PDZD2: variants seen among roughly 807,000 people sequenced by gnomAD.
PDZD2 encodes the protein PDZ domain containing 2, also known as PDZ domain-containing protein 2.
A neutral mutation model predicts 220.7 loss-of-function variants in PDZD2; 90 were observed. That is an observed-to-expected ratio of 0.41 (90% CI 0.34 to 0.49). The LOEUF is 0.49. PDZD2 is among the 20% of genes least tolerant of loss of function. PDZD2 has a pLI of 0.28. For synonymous variants in PDZD2, 1,375 were observed against 1,450.5 expected (o/e 0.95, Z 1.18); for missense variants, 3,174 against 3,608.5 (o/e 0.88, Z 3.08).
rs771518395 is a variant in PDZD2 at position 32,010,475 on chromosome 5, A to G, written c.1400A>G (p.Gln467Arg). 3.7e-6 allele frequency: 6 copies of G among 1,610,408 alleles called. No homozygotes were observed. The highest frequency in any genetic ancestry group is 2.2e-5 in the South Asian group (2 of 90,898). Reference protein sequence around the residue: ...EEDEGTSSSVQRAMPGTDEPQ... With the variant: ...EEDEGTSSSVRRAMPGTDEPQ... ...GACGAAGGAACCAGCTCTTCTGTCC[A>G]GAGAGCAGTAAGTGGCTCTGTGCTC... The change falls in exon 6 of 25, where the codon CAG (glutamine) becomes CGG (arginine). Residue 467 changes from glutamine (Q) to arginine (R), a missense_variant. Coordinates refer to ENST00000438447, the MANE Select transcript of PDZD2 (RefSeq NM_178140.4).
At chr5:32,019,374 G>C (rs560115521) in intron 6 of PDZD2, among the ~76,000 whole-genome samples, 1 of 152,210 alleles carries the variant, frequency 6.6e-6, no homozygotes. Flanking sequence ...AAACTCCTGG[G>C]CTCAAGCAAT....
chr5:31,641,714 C>T (rs1020976272), intron 1 of PDZD2, among the ~76,000 whole-genome samples: 2 of 152,024 alleles, frequency 1.3e-5, no homozygotes, highest in African/African-American at 4.8e-5. Flanking sequence ...GTCTCGAACT[C>T]CTGGGCTCAA....
rs866218067 is a variant in PDZD2 at position 31,669,420 on chromosome 5, A to T, written c.-361+29983A>T. On this transcript the variant is annotated intron_variant, in intron 1 of 24. Transcript: ENST00000438447. ...CTGTCTCAAAAAAAAAAAAAAAAAAAAAATAAGATCTATCCAGCCCCTAAT... is the reference window on the plus strand; with the variant it reads ...CTGTCTCAAAAAAAAAAAAAAAAAATAAATAAGATCTATCCAGCCCCTAAT... Among the ~76,000 whole-genome samples, 55 of 151,516 alleles carry T rather than the reference A, an allele frequency of 3.6e-4. 1 individual carries two copies. Among genetic ancestry groups the T allele is most frequent in the African/African-American group, 9.4e-4 (39 of 41,352 alleles).
chr5:31,744,482 G>A (rs1750463174), intron 1 of PDZD2: 1 of 151,802 alleles, frequency 6.6e-6, no homozygotes, highest in Admixed American at 6.6e-5. Context: ...AAGAAAACGA[G>A]TTGTTTAAAG....
chr5:31,860,353 ACTGG>A (rs1737574333), intron 2 of PDZD2, among the ~76,000 whole-genome samples: 1 of 152,150 alleles, frequency 6.6e-6, no homozygotes, highest in South Asian at 2.1e-4. Flanking sequence ...TAAATCCCAA[ACTGG>A]CTTTCCACAC....
At chr5:32,017,707 G>C (rs1248004565) in intron 6 of PDZD2, among the ~76,000 whole-genome samples, 2 of 152,200 alleles carry the variant, frequency 1.3e-5, no homozygotes, top group Non-Finnish European at 2.9e-5. Flanking sequence ...GTTAAGGTTA[G>C]AAACCTGCAA....
At chr5:31,937,224 C>A (rs1041430130) in intron 2 of PDZD2, among the ~76,000 whole-genome samples, 2 of 152,168 alleles carry the variant, frequency 1.3e-5, no homozygotes, top group Non-Finnish European at 2.9e-5. Flanking sequence ...CTCCTGGGCA[C>A]TGGGATGATC....
intron 21 of PDZD2, among the ~76,000 whole-genome samples, chr5:32,096,797 G>A (rs1185969026): frequency 6.7e-6 from 1 of 149,250 alleles, no homozygotes; most frequent in Non-Finnish European, 1.5e-5. Context: ...ACAGAATAAA[G>A]GATTCCCATC....
At chr5:31,703,957 TTCTCTCTCTC>T (rs10652328) in intron 1 of PDZD2, among the ~76,000 whole-genome samples, 33,754 of 149,362 alleles carry the variant, frequency 0.23, 4,130 homozygotes, top group East Asian at 0.35. Context: ...TTCTCTCTCT[TTCTCTCTCTC>T]TCTCTCTCTT....
At chr5:31,714,916 AGGAGTGGTG>A (rs1418987932) in intron 1 of PDZD2, among the ~76,000 whole-genome samples, 1 of 151,932 alleles carries the variant, frequency 6.6e-6, no homozygotes, top group Non-Finnish European at 1.5e-5. Flanking sequence ...AAAATTAGCC[AGGAGTGGTG>A]GTGGGCGCCT....
intron 1 of PDZD2, among the ~76,000 whole-genome samples, chr5:31,700,343 G>A (rs1046032010): frequency 2.6e-5 from 4 of 152,116 alleles, no homozygotes; most frequent in Admixed American, 2.0e-4. Context: ...TGAGGAAAGG[G>A]CTGGCCAGCA....
chr5:31,960,059 A>G (rs1748070440), intron 2 of PDZD2, among the ~76,000 whole-genome samples: 1 of 151,994 alleles, frequency 6.6e-6, no homozygotes, highest in African/African-American at 2.4e-5. Context: ...CTTGATCCTT[A>G]ACTAATTATA....
chr5:32,079,268 A>AT (rs1741665898), intron 19 of PDZD2, among the ~76,000 whole-genome samples: 1 of 142,458 alleles, frequency 7.0e-6, no homozygotes, highest in Non-Finnish European at 1.5e-5. Context: ...CAAAAAAAAA[A>AT]CAAAAAAAAA....
intron 2 of PDZD2, among the ~76,000 whole-genome samples, chr5:31,834,205 G>C (rs1756802548): frequency 1.3e-5 from 2 of 152,126 alleles, no homozygotes; most frequent in Admixed American, 1.3e-4. Flanking sequence ...TTCTTTAAGG[G>C]ACCCCACAGC....
chr5:32,052,925 C>G (rs1738717329), intron 9 of PDZD2, among the ~76,000 whole-genome samples, 195 bp downstream of exon 9: 1 of 152,206 alleles, frequency 6.6e-6, no homozygotes, highest in African/African-American at 2.4e-5. Context: ...GTGCTCCCAC[C>G]TCGACTTCCC....
At chr5:31,680,184 G>A (rs911716020) in intron 1 of PDZD2, among the ~76,000 whole-genome samples, 5 of 152,082 alleles carry the variant, frequency 3.3e-5, no homozygotes, top group African/African-American at 9.7e-5. Flanking sequence ...CTGAATGGAC[G>A]GTGGGCTCGG....
chr5:31,976,564 C>A (rs1345925373), intron 2 of PDZD2, among the ~76,000 whole-genome samples: 1 of 152,140 alleles, frequency 6.6e-6, no homozygotes, highest in Admixed American at 6.5e-5. Flanking sequence ...AGGGACCTGA[C>A]ATACTCAGAT....
intron 1 of PDZD2, among the ~76,000 whole-genome samples, chr5:31,704,886 T>C (rs72755416): frequency 0.14 from 20,833 of 152,158 alleles, 1,560 homozygotes; most frequent in East Asian, 0.21. Flanking sequence ...ATTGGCTGGG[T>C]GCGGTGGCTC....
In PDZD2 at chr5:32,051,099, C is replaced by CT. The variant is rs1215466498; in HGVS notation, c.1666-1511dup. On this transcript the variant is annotated intron_variant, in intron 8 of 24. Transcript: ENST00000438447. ...AAACTCTCTGAGAGGTTGGTGAAGCCTACAGGCCTTTGGTTCCTTCTGGTT... is the reference window on the plus strand; with the variant it reads ...AAACTCTCTGAGAGGTTGGTGAAGCCTTACAGGCCTTTGGTTCCTTCTGGTT... Among the ~76,000 whole-genome samples, 207 of 152,236 alleles carry CT rather than the reference C, an allele frequency of 1.4e-3. 1 individual carries two copies. The highest frequency in any genetic ancestry group is 3.6e-3 in the African/African-American group (150 of 41,530).
Sources: allele counts gnomAD v4.1 joint callset (sites outside exome capture counted in the v4.1 genomes callset), GRCh38; gene constraint gnomAD v4.1.1; transcripts MANE v1.5; gene names NCBI Gene and HGNC (gene_info 2026-07-23, HGNC 2026-07-21).